SPDYA: variants seen among roughly 807,000 people sequenced by gnomAD.
SPDYA encodes the protein speedy protein A.
Under a neutral mutation model 36.7 loss-of-function variants are expected in SPDYA, and 11 were observed. That is an observed-to-expected ratio of 0.30 (90% CI 0.19 to 0.50). SPDYA has a LOEUF of 0.50. Among genes scored for constraint, SPDYA ranks in the 20% least tolerant of loss-of-function variants. SPDYA has a pLI of 0.98. For synonymous variants in SPDYA, 115 were observed against 118.7 expected (o/e 0.97, Z 0.20); for missense variants, 287 against 370.9 (o/e 0.77, Z 1.86).
chr2:28,811,849 G>A lies in SPDYA; in HGVS notation c.-93+902G>A, dbSNP rs1239947811. ...CGGGCGCCTGTAATCCCAGCTCCTC[G>A]GGAGGCTGAGGCGGGAGAATCGCTT... is the stretch of plus-strand genomic sequence containing the variant. On this transcript the variant is annotated intron_variant, in intron 1 of 7. Coordinates refer to ENST00000334056, the MANE Select transcript of SPDYA (RefSeq NM_182756.4). This position sits in a 1 kb window ranked among gnomAD's most constrained non-coding sequence, Gnocchi z 4.2. 1.3e-5 allele frequency among the ~76,000 whole-genome samples: 2 copies of A among 151,986 alleles called. No homozygotes were observed. Among genetic ancestry groups the A allele is most frequent in the African/African-American group, 2.4e-5 (1 of 41,376 alleles).
chr2:28,822,240 GA>G, intron 4 of SPDYA, 84 bp from the exon 5 acceptor site: 1 of 576,206 alleles, frequency 1.7e-6, no homozygotes, highest in East Asian at 3.2e-5. Flanking sequence ...TTATTCATCA[GA>G]AAATTTTAAA....
intron 7 of SPDYA, among the ~76,000 whole-genome samples, chr2:28,844,610 G>A (rs748519812): frequency 1.1e-4 from 16 of 152,124 alleles, no homozygotes; most frequent in Non-Finnish European, 1.9e-4. Flanking sequence ...TGTGATGTTC[G>A]GTGGTTAGCT....
chr2:28,827,507 C>A (rs1031417792), intron 5 of SPDYA, among the ~76,000 whole-genome samples: 1 of 151,976 alleles, frequency 6.6e-6, no homozygotes, highest in South Asian at 2.1e-4. Context: ...GTTCTTGGTA[C>A]CTTGTTCCCT....
At chr2:28,844,291 T>C (rs74366632) in intron 7 of SPDYA, among the ~76,000 whole-genome samples, 44 of 152,306 alleles carry the variant, frequency 2.9e-4, no homozygotes, top group African/African-American at 9.1e-4. Flanking sequence ...AAGTAAGATA[T>C]TAGCTGGGCA....
chr2:28,814,871 A>G (rs968217759), intron 2 of SPDYA, among the ~76,000 whole-genome samples, 185 bp downstream of exon 2: 1 of 152,240 alleles, frequency 6.6e-6, no homozygotes, highest in Non-Finnish European at 1.5e-5. Context: ...ATGATTATGT[A>G]TATTGTTAAA....
intron 4 of SPDYA, 46 bp from the exon 5 acceptor site, chr2:28,822,279 A>T: frequency 1.1e-6 from 1 of 924,738 alleles, no homozygotes; most frequent in Non-Finnish European, 1.6e-6. Flanking sequence ...AGTTTTATTT[A>T]TGAAAGCAAA....
intron 1 of SPDYA, among the ~76,000 whole-genome samples, chr2:28,812,671 A>G (rs990108841): frequency 6.6e-6 from 1 of 151,976 alleles, no homozygotes; most frequent in Non-Finnish European, 1.5e-5. Flanking sequence ...AGCCTGGCCA[A>G]CATGGCGAAA....
Position 28,833,793 on chromosome 2 carries a change from G to A in SPDYA, c.552+4474G>A, listed in dbSNP as rs970586932. 1.7e-4 allele frequency among the ~76,000 whole-genome samples: 26 copies of A among 152,028 alleles called. 1 individual carries two copies. The highest frequency in any genetic ancestry group is 2.1e-4 in the Non-Finnish European group (14 of 67,996). On this transcript the variant is annotated intron_variant, in intron 6 of 7. Transcript: ENST00000334056. ...GAAGAAAACATAGGGGTAAGTCTTC[G>A]TGACCTTGAATTAGGTTTCTTAGAC...
chr2:28,842,661 T>C (rs1050625449), intron 7 of SPDYA, among the ~76,000 whole-genome samples: 3 of 152,190 alleles, frequency 2.0e-5, no homozygotes, highest in African/African-American at 4.8e-5. Context: ...ATTCTGAGTA[T>C]TAACCCATGG....
Position 28,850,488 on chromosome 2 carries a change from C to T in SPDYA, c.*547C>T. 1.1e-6 allele frequency: 1 copy of T among 903,108 alleles called. No individual in the cohort carries two copies. The highest frequency in any genetic ancestry group is 2.7e-5 in the East Asian group (1 of 37,184). 55.9% of individuals were successfully genotyped at this position (903,108 alleles called of 1,614,324 possible). On this transcript the variant is annotated 3_prime_UTR_variant, in exon 8 of 8. Transcript: ENST00000334056. ...CAAAACTGTTAAAATATGAGTTACT[C>T]TCTTTATTGTAAGTTTTTTCTTTAT...
chr2:28,840,600 T>G (rs1668727150), intron 7 of SPDYA, 131 bp downstream of exon 7: 1 of 1,414,748 alleles, frequency 7.1e-7, no homozygotes, highest in Admixed American at 3.2e-5. Context: ...CTTGAAACTT[T>G]CTCCCCTTTC....
chr2:28,840,415 T>C lies in SPDYA; in HGVS notation c.796T>C (p.Ser266Pro), dbSNP rs1194072730. 3.1e-6 allele frequency: 5 copies of C among 1,613,880 alleles called. No homozygotes were observed. The South Asian group carries it at 5.5e-5, about 18-fold the overall frequency. Residue 266 changes from serine (S) to proline (P), a missense_variant, in exon 7 of 8, where the codon TCA becomes CCA. Transcript: ENST00000334056. Reference protein sequence around the residue: ...TEKHSQDSYNSLSMDIIGDPS... With the variant: ...TEKHSQDSYNPLSMDIIGDPS... Reference sequence around the variant, plus strand: ...AAAACATTCTCAGGACTCATACAACTCACTGTCAATGGACATAATAGGTGA... The same window carrying C: ...AAAACATTCTCAGGACTCATACAACCCACTGTCAATGGACATAATAGGTGA...
intron 6 of SPDYA, among the ~76,000 whole-genome samples, chr2:28,837,963 C>T (rs1448620431): frequency 1.3e-5 from 2 of 150,930 alleles, no homozygotes; most frequent in Non-Finnish European, 2.9e-5. Flanking sequence ...GGAACACTGA[C>T]CCAAGGCACC....
rs561185114 is a variant in SPDYA, at chr2:28,839,278, T to G, written c.553-894T>G. 8.5e-5 allele frequency among the ~76,000 whole-genome samples: 13 copies of G among 152,294 alleles called. No homozygotes were observed. In the South Asian group the frequency reaches 2.7e-3, roughly 32 times the overall value. ...AGCCCATGTTTTATTTAACAAACCT[T>G]ATAGAACAATGCCTGGAAGATAGTG... On this transcript the variant is annotated intron_variant, in intron 6 of 7. Transcript: ENST00000334056.
In SPDYA at chr2:28,849,860, C is replaced by T. The variant is rs767017206; in HGVS notation, c.861C>T (p.Asp287=). 11 of 1,555,012 alleles carry T rather than the reference C, an allele frequency of 7.1e-6. 1 individual carries two copies. In the South Asian group the frequency reaches 1.2e-4, roughly 17 times the overall value. ...CATATTTTATTTCAGTAGTCAATGA[C>T]CATCAATCAAATAAAGGAAAGAAAA... ...QAYTGSEVVN[D]HQSNKGKKTN... The change falls in exon 8 of 8, where the codon GAC becomes GAT. Residue 287 remains aspartate (D), a synonymous_variant. Coordinates refer to ENST00000334056, the MANE Select transcript of SPDYA (RefSeq NM_182756.4).
chr2:28,823,186 C>T (rs1306853088), intron 5 of SPDYA, among the ~76,000 whole-genome samples: 1 of 152,148 alleles, frequency 6.6e-6, no homozygotes. Flanking sequence ...TTCACTGGCT[C>T]TTTTACTAAA....
At chr2:28,816,333 A>G (rs1444936668) in intron 3 of SPDYA, 84 bp downstream of exon 3, 11 of 1,015,546 alleles carry the variant, frequency 1.1e-5, no homozygotes, top group African/African-American at 3.4e-5. Flanking sequence ...TATTCTGATC[A>G]AAGAGGATAT....
chr2:28,826,877 A>G (rs1465977731), intron 5 of SPDYA, among the ~76,000 whole-genome samples: 2 of 150,964 alleles, frequency 1.3e-5, no homozygotes, highest in Non-Finnish European at 3.0e-5. Flanking sequence ...TCAGCCTTCT[A>G]AAGTGTTGGG....
At chr2:28,823,808 T>G in intron 5 of SPDYA, among the ~76,000 whole-genome samples, 1 of 131,914 alleles carries the variant, frequency 7.6e-6, no homozygotes, top group Non-Finnish European at 1.6e-5. Context: ...TGCAGTGGCG[T>G]GATCTTGGCT....
Sources: allele counts gnomAD v4.1 joint callset (sites outside exome capture counted in the v4.1 genomes callset), GRCh38; gene constraint gnomAD v4.1.1; non-coding constraint Gnocchi (gnomAD v3.1); transcripts MANE v1.5; gene names NCBI Gene and HGNC (gene_info 2026-07-23, HGNC 2026-07-21).